The following NKAIN2 variants were observed in gnomAD, a reference collection of about 807,000 sequenced individuals.
NKAIN2 encodes the protein sodium/potassium transporting ATPase interacting 2.
In NKAIN2, 14 loss-of-function variants were observed where a neutral mutation model predicts 32.6. The ratio of observed to expected loss-of-function variants is 0.43; its 90% CI spans 0.28 to 0.67. The LOEUF is 0.67. NKAIN2 is among the 30% of genes least tolerant of loss of function. NKAIN2 has a pLI of 0.17. For synonymous variants in NKAIN2, 80 were observed against 87.2 expected (o/e 0.92, Z 0.46); for missense variants, 198 against 258.3 (o/e 0.77, Z 1.60).
chr6:124,647,755 C>T (rs892569950), intron 3 of NKAIN2, among the ~76,000 whole-genome samples: 4 of 152,056 alleles, frequency 2.6e-5, no homozygotes, highest in Non-Finnish European at 4.4e-5. Context: ...TAGAAAATAA[C>T]GGAGAAATTT....
At chr6:124,612,503 T>C (rs1782731094) in intron 3 of NKAIN2, among the ~76,000 whole-genome samples, 1 of 152,186 alleles carries the variant, frequency 6.6e-6, no homozygotes, top group Non-Finnish European at 1.5e-5. Flanking sequence ...GGGAACTCTA[T>C]GTGGAGATCT....
intron 4 of NKAIN2, among the ~76,000 whole-genome samples, chr6:124,702,236 G>T (rs1177238114): frequency 5.3e-5 from 8 of 151,978 alleles, no homozygotes; most frequent in Non-Finnish European, 8.8e-5. Context: ...TCATTTTTTT[G>T]TGTGGATAAA....
intron 1 of NKAIN2, among the ~76,000 whole-genome samples, chr6:124,213,804 A>G (rs1429821978): frequency 6.6e-6 from 1 of 152,148 alleles, no homozygotes; most frequent in Non-Finnish European, 1.5e-5. Context: ...ACTGGTATCT[A>G]TAGTCAATCT....
intron 1 of NKAIN2, among the ~76,000 whole-genome samples, chr6:124,179,613 A>G (rs1373008762): frequency 6.6e-6 from 1 of 152,174 alleles, no homozygotes; most frequent in Non-Finnish European, 1.5e-5. Context: ...CAGCAGAGGG[A>G]CTGCTGGGAG....
At chr6:124,568,947 T>A (rs1364381920) in intron 3 of NKAIN2, among the ~76,000 whole-genome samples, 2 of 151,800 alleles carry the variant, frequency 1.3e-5, no homozygotes, top group Non-Finnish European at 2.9e-5. Flanking sequence ...TGTTCTGTCC[T>A]CCCTTTCCTA....
In NKAIN2 at chr6:124,551,072, G is replaced by A. The variant is rs116419260; in HGVS notation, c.274-107114G>A. Among the ~76,000 whole-genome samples, 1,171 of 152,276 alleles carry A rather than the reference G, an allele frequency of 7.7e-3. 21 individuals carry two copies. Among genetic ancestry groups the A allele is most frequent in the African/African-American group, 0.026 (1,100 of 41,536 alleles). ...GCTTTTCTGGTGCAGATGTGGAGTA[G>A]GCAGATGTATTTGACCAACCTAGAA... On this transcript the variant is annotated intron_variant, in intron 3 of 6. Transcript: ENST00000368417.
At chr6:124,060,830 C>A (rs1253950684) in intron 1 of NKAIN2, among the ~76,000 whole-genome samples, 1 of 151,978 alleles carries the variant, frequency 6.6e-6, no homozygotes, top group Non-Finnish European at 1.5e-5. Context: ...ACACAATGTT[C>A]TTTCTGTGAT....
rs192309119 is a variant in NKAIN2, at chr6:124,697,302, T to C, written c.474+38916T>C. Among the ~76,000 whole-genome samples, 16 of 152,294 alleles carry C rather than the reference T, an allele frequency of 1.1e-4. No individual in the cohort carries two copies. In the East Asian group the frequency reaches 2.7e-3, roughly 26 times the overall value. On this transcript the variant is annotated intron_variant, in intron 4 of 6. Transcript: ENST00000368417. ...ATCAGAAGAAGAAGGAAAAGATGTC[T>C]TGTGTTGAAAAACACAATTAAATTA...
intron 2 of NKAIN2, among the ~76,000 whole-genome samples, chr6:124,333,037 G>A (rs1797727403): frequency 6.6e-6 from 1 of 152,012 alleles, no homozygotes; most frequent in Non-Finnish European, 1.5e-5. Flanking sequence ...ATTAACAATT[G>A]AATTCTAGAA....
intron 2 of NKAIN2, among the ~76,000 whole-genome samples, chr6:124,334,655 G>A (rs1365690251): frequency 6.6e-6 from 1 of 152,048 alleles, no homozygotes; most frequent in African/African-American, 2.4e-5. Context: ...ATGAATCTTA[G>A]GTTTTATAAT....
At chr6:124,412,148 A>G (rs1322103674) in intron 3 of NKAIN2, among the ~76,000 whole-genome samples, 2 of 152,060 alleles carry the variant, frequency 1.3e-5, no homozygotes, top group African/African-American at 4.8e-5. Context: ...AGCTCGGAGT[A>G]GTTCGATCTT....
In NKAIN2 at chr6:124,622,253, G is replaced by A. The variant is rs1216116035; in HGVS notation, c.274-35933G>A. Among the ~76,000 whole-genome samples the A allele has an allele frequency of 3.9e-5, 6 of 152,184 alleles. No homozygotes were observed. In the South Asian group the frequency reaches 1.0e-3, roughly 26 times the overall value. On this transcript the variant is annotated intron_variant, in intron 3 of 6. Coordinates refer to ENST00000368417, the MANE Select transcript of NKAIN2 (RefSeq NM_001040214.3). The stretch of plus-strand genomic sequence containing the variant: ...TTCTCTTTGTGTCTTCTCTTCTTCC[G>A]GTTTTTATAAGAATACTTACCACTG...
intron 3 of NKAIN2, among the ~76,000 whole-genome samples, chr6:124,452,091 A>C (rs1776130784): frequency 6.6e-6 from 1 of 151,486 alleles, no homozygotes; most frequent in South Asian, 2.1e-4. Context: ...GCCGCTCAGG[A>C]GGCTGAGGCA....
chr6:123,994,366 A>T (rs939351135), intron 1 of NKAIN2, among the ~76,000 whole-genome samples: 1 of 152,066 alleles, frequency 6.6e-6, no homozygotes, highest in Non-Finnish European at 1.5e-5. Context: ...GGAAGGAAAT[A>T]ATTTTCCCTC....
chr6:124,383,115 C>T (rs2114381064), intron 3 of NKAIN2, among the ~76,000 whole-genome samples: 1 of 152,260 alleles, frequency 6.6e-6, no homozygotes, highest in Non-Finnish European at 1.5e-5. Flanking sequence ...GTTTCTAAAA[C>T]CAGAAACTGG....
chr6:123,939,989 G>T (rs1442341635), intron 1 of NKAIN2, among the ~76,000 whole-genome samples: 1 of 151,960 alleles, frequency 6.6e-6, no homozygotes, highest in Non-Finnish European at 1.5e-5. Context: ...CAGTTTCTTT[G>T]TGTTTTCTGG....
intron 1 of NKAIN2, among the ~76,000 whole-genome samples, chr6:123,880,553 C>A (rs1328900545): frequency 6.6e-6 from 1 of 152,152 alleles, no homozygotes; most frequent in Non-Finnish European, 1.5e-5. Context: ...ACTGCCATCA[C>A]ACATCTCTAT....
At chr6:124,716,098 A>T (rs1775738744) in intron 4 of NKAIN2, among the ~76,000 whole-genome samples, 1 of 152,244 alleles carries the variant, frequency 6.6e-6, no homozygotes, top group Non-Finnish European at 1.5e-5. Flanking sequence ...ATTAAAAGAT[A>T]CACAGAGAAG....
At chr6:123,874,947 A>G (rs1773103488) in intron 1 of NKAIN2, among the ~76,000 whole-genome samples, 1 of 152,022 alleles carries the variant, frequency 6.6e-6, no homozygotes, top group African/African-American at 2.4e-5. Flanking sequence ...ACACCTATAT[A>G]AAGGATATGA....
Sources: gnomAD v4.1 joint callset for allele counts (sites outside exome capture counted in the v4.1 genomes callset) on GRCh38, gnomAD v4.1.1 for gene constraint, MANE v1.5 for transcripts, NCBI Gene and HGNC (gene_info 2026-07-23, HGNC 2026-07-21) for gene names.